The following NEK2 variants were observed in gnomAD, a reference collection of about 807,000 sequenced individuals.
The protein encoded by NEK2 is serine/threonine-protein kinase Nek2.
NEK2 carries 28 observed loss-of-function variants against 54.1 expected under a neutral mutation model. The ratio of observed to expected loss-of-function variants is 0.52; its 90% confidence interval spans 0.38 to 0.71. The LOEUF is 0.71. Ranked by LOEUF, NEK2 falls within the 30% of genes least tolerant of loss-of-function variation. The pLI, the probability that NEK2 is intolerant of heterozygous loss-of-function variation, is 0.00. For missense variants in NEK2, 407 were observed against 531.5 expected (o/e 0.77, Z 2.30); for synonymous variants, 176 against 193.1 (o/e 0.91, Z 0.73).
Position 211,662,969 on chromosome 1 carries a change from T to C in NEK2, c.*457A>G, listed in dbSNP as rs1407312193. 1.0e-6 allele frequency: 1 copy of C among 989,718 alleles called. No homozygotes were observed. Among genetic ancestry groups the C allele is most frequent in the East Asian group, 1.1e-4 (1 of 8,926 alleles). The allele number at this position is 989,718 out of a possible 1,614,324, so 61.3% of individuals were successfully genotyped here. A position where few individuals can be genotyped will look rare whatever the true frequency, so the allele number is the denominator to read the frequency against. ...TCATGGTATTAATGACCAAATTGCA[T>C]CTAACTGGGTTTTCTAAGCTCAAAA... On this transcript the variant is annotated 3_prime_UTR_variant, in exon 8 of 8. Transcript: ENST00000366999. This position sits in a 1 kb window ranked among gnomAD's most constrained non-coding sequence, Gnocchi z 4.2.
rs563735383 is a variant in NEK2 at position 211,668,771 on chromosome 1, C to A, written c.985+342G>T. On this transcript the variant is annotated intron_variant, in intron 6 of 7. Transcript: ENST00000366999. ...ATTATGGAAAGCAGCAATTTTAAGA[C>A]CTTCCTTTACAGTGGGAAAACATTA... Among the ~76,000 whole-genome samples the A allele has an allele frequency of 3.9e-5, 6 of 152,186 alleles. No homozygotes were observed. In the East Asian group the frequency reaches 1.2e-3, roughly 29 times the overall value.
Position 211,663,431 on chromosome 1 carries a change from G to A in NEK2, c.1333C>T (p.Arg445Cys), listed in dbSNP as rs780623362. 3.1e-6 allele frequency: 5 copies of A among 1,610,500 alleles called. No homozygotes were observed. The highest frequency in any genetic ancestry group is 3.3e-5 in the Admixed American group (2 of 59,720). Residue 445 changes from arginine (R) to cysteine (C), a missense_variant, in exon 8 of 8, where the codon CGC becomes TGC. By Grantham distance (180) the Arg-to-Cys change is radical. Coordinates refer to ENST00000366999, the MANE Select transcript of NEK2 (RefSeq NM_002497.4). ...QLKSRQILGM[R>C] ...CTCTGTGTCTCTCTACCTGGCTAGC[G>A]CATGCCCAGGATCTGTCTGCTTTTC...
Position 211,663,173 on chromosome 1 carries a change from C to A in NEK2, c.*253G>T. 1 of 1,252,096 alleles carries A rather than the reference C, an allele frequency of 8.0e-7. No homozygotes were observed. The highest frequency in any genetic ancestry group is 1.0e-6 in the Non-Finnish European group (1 of 996,102). 77.6% of individuals were successfully genotyped at this position (1,252,096 alleles called of 1,614,324 possible). ...TCTCATGTTCCTACTAGTAATCACA[C>A]ACAGGATTAAAAGCCCAACCAAGAA... On this transcript the variant is annotated 3_prime_UTR_variant, in exon 8 of 8. Transcript: ENST00000366999.
downstream of NEK2, among the ~76,000 whole-genome samples, chr1:211,661,867 G>C (rs1655026135): frequency 6.6e-6 from 1 of 152,174 alleles, no homozygotes; most frequent in Non-Finnish European, 1.5e-5. Flanking sequence ...TATTCATGAA[G>C]GAGCAGAATT....
chr1:211,669,392 C>T lies in NEK2; in HGVS notation c.766-60G>A, dbSNP rs889845961. The T allele has an allele frequency of 6.2e-6, 9 of 1,448,388 alleles. No homozygotes were observed. The South Asian group carries it at 7.1e-5, about 11-fold the overall frequency. 89.7% of individuals were successfully genotyped at this position (1,448,388 alleles called of 1,614,324 possible). A position where few individuals can be genotyped will look rare whatever the true frequency, so the allele number is the denominator to read the frequency against. On this transcript the variant is annotated intron_variant, in intron 5 of 7. Transcript: ENST00000366999. The stretch of plus-strand genomic sequence containing the variant: ...GCATAACAGAATAGTCCTCCTAAGA[C>T]AGCAGTTAAAATAAAAGGACAAAAA...
chr1:211,671,176 T>G (rs199778515), intron 4 of NEK2, 26 bp downstream of exon 4: 2 of 1,568,006 alleles, frequency 1.3e-6, no homozygotes, highest in African/African-American at 1.3e-5. Flanking sequence ...AACCTTAGAC[T>G]AGGAATCTGT....
chr1:211,671,173 GA>G (rs767274587), intron 4 of NEK2, 28 bp downstream of exon 4: 2 of 1,557,016 alleles, frequency 1.3e-6, no homozygotes, highest in East Asian at 4.5e-5. Flanking sequence ...ACAAACCTTA[GA>G]CTAGGAATCT....
downstream of NEK2, chr1:211,658,517 G>A (rs1475074613): frequency 5.1e-5 from 15 of 292,238 alleles, no homozygotes; most frequent in East Asian, 3.9e-4. Context: ...GGGGCTGGGC[G>A]CAATGGCTCA....
chr1:211,666,870 A>G (rs1476583252), intron 7 of NEK2: 3 of 1,250,040 alleles, frequency 2.4e-6, no homozygotes, highest in Non-Finnish European at 3.0e-6. Flanking sequence ...TTGATAAGGT[A>G]AAGAAAATCA....
rs745466887 is a variant in NEK2 at position 211,667,135 on chromosome 1, C to T, written c.1082G>A (p.Arg361Gln). 15 of 1,613,570 alleles carry T rather than the reference C, an allele frequency of 9.3e-6. No individual in the cohort carries two copies. In the East Asian group the frequency reaches 1.6e-4, roughly 17 times the overall value. ...ATTACTTGCCAGAGACAGGAACTTCCGTTCCTTTAGCAAGCTGTAGTTCTT... is the reference window on the plus strand; with the variant it reads ...ATTACTTGCCAGAGACAGGAACTTCTGTTCCTTTAGCAAGCTGTAGTTCTT... ...LLKNYSLLKERKFLSLASNPE... is the reference protein window; with the variant it reads ...LLKNYSLLKEQKFLSLASNPE... The change falls in exon 7 of 8, where the codon CGG becomes CAG. Residue 361 changes from arginine (R) to glutamine (Q), a missense_variant. Arg to Gln is a conservative substitution (Grantham distance 43). Coordinates refer to ENST00000366999, the MANE Select transcript of NEK2 (RefSeq NM_002497.4).
downstream of NEK2, among the ~76,000 whole-genome samples, chr1:211,659,894 T>A (rs898316559): frequency 2.1e-5 from 3 of 141,504 alleles, no homozygotes; most frequent in Non-Finnish European, 3.0e-5. Context: ...TCATCACAGC[T>A]CACTGCAGCC....
downstream of NEK2, chr1:211,658,670 T>C (rs1458421314): frequency 2.5e-6 from 1 of 402,270 alleles, no homozygotes; most frequent in Non-Finnish European, 4.7e-6. Flanking sequence ...CATTGAGCTG[T>C]GATCACACCA....
chr1:211,668,046 C>T (rs1317538519), intron 6 of NEK2, among the ~76,000 whole-genome samples: 1 of 125,776 alleles, frequency 8.0e-6, no homozygotes, highest in African/African-American at 2.9e-5. Context: ...AATTCCATCT[C>T]AAAAAAAAAA....
Position 211,669,096 on chromosome 1 carries a change from C to T in NEK2, c.985+17G>A. The T allele has an allele frequency of 6.2e-7, 1 of 1,608,880 alleles. No homozygotes were observed. The highest frequency in any genetic ancestry group is 2.2e-5 in the East Asian group (1 of 44,864). Reference sequence around the variant, plus strand: ...ACTTGGTAGTTCTCCTTTGCTTTGACCCCCATTCAGACTTACGCTCCAATC... The same window carrying T: ...ACTTGGTAGTTCTCCTTTGCTTTGATCCCCATTCAGACTTACGCTCCAATC... On this transcript the variant is annotated intron_variant, in intron 6 of 7. Transcript: ENST00000366999.
In NEK2 at chr1:211,671,302, G is replaced by A. The variant is rs776653984; in HGVS notation, c.556-18C>T. 4.5e-6 allele frequency: 7 copies of A among 1,560,658 alleles called. No homozygotes were observed. The Admixed American group carries it at 8.3e-5, about 19-fold the overall frequency. On this transcript the variant is annotated intron_variant, in intron 3 of 7. Coordinates refer to ENST00000366999, the MANE Select transcript of NEK2 (RefSeq NM_002497.4). ...ATTTGTTCCTATACAGGGAAAAAGG[G>A]TAAGAAAGTGGAAGGTGTTAAGAGT...
At chr1:211,670,876 G>C (rs922806152) in intron 4 of NEK2, among the ~76,000 whole-genome samples, 6 of 152,108 alleles carry the variant, frequency 3.9e-5, no homozygotes, top group Admixed American at 3.9e-4. Context: ...CCCGAGTCTT[G>C]TTTCATTTCT....
chr1:211,668,469 G>A (rs1655248548), intron 6 of NEK2, among the ~76,000 whole-genome samples: 1 of 152,056 alleles, frequency 6.6e-6, no homozygotes. Flanking sequence ...AAAATATCTT[G>A]TATCTAGATT....
intron 3 of NEK2, 84 bp downstream of exon 3, chr1:211,673,399 G>A: frequency 6.5e-7 from 1 of 1,539,476 alleles, no homozygotes; most frequent in Non-Finnish European, 8.9e-7. Context: ...GGGCAACAGA[G>A]CGAGACTCTG....
intron 1 of NEK2, 123 bp from the exon 2 acceptor site, chr1:211,674,636 A>C (rs987547400): frequency 2.8e-6 from 2 of 715,366 alleles, no homozygotes; most frequent in Admixed American, 2.9e-5. Flanking sequence ...TCATTATCTA[A>C]TTTAGTTCAA....
Sources: gnomAD v4.1 joint callset for allele counts (sites outside exome capture counted in the v4.1 genomes callset) on GRCh38, gnomAD v4.1.1 for gene constraint, Gnocchi (gnomAD v3.1) non-coding constraint, MANE v1.5 for transcripts, NCBI Gene and HGNC (gene_info 2026-07-23, HGNC 2026-07-21) for gene names.